BTBD9: variants seen among roughly 807,000 people sequenced by gnomAD.
BTBD9 encodes the protein BTB/POZ domain-containing protein 9.
Under a neutral mutation model 64.3 loss-of-function variants are expected in BTBD9, and 49 were observed. That is an observed-to-expected ratio of 0.76 (90% CI 0.61 to 0.97). The LOEUF is 0.97. BTBD9 is among the 50% of genes least tolerant of loss of function. The pLI is 0.00. For missense variants in BTBD9, 598 were observed against 762.1 expected, an observed-to-expected ratio of 0.78 and a Z score of 2.53; for synonymous variants, 260 against 274.7, an observed-to-expected ratio of 0.95 and a Z score of 0.53.
At chr6:38,540,579 T>C (rs1400460334) in intron 6 of BTBD9, among the ~76,000 whole-genome samples, 1 of 152,188 alleles carries the variant, frequency 6.6e-6, no homozygotes, top group Non-Finnish European at 1.5e-5. Flanking sequence ...GACACAAAAT[T>C]CTAAGAAAAA....
chr6:38,439,837 G>A (rs942275831), intron 6 of BTBD9, among the ~76,000 whole-genome samples: 2 of 152,140 alleles, frequency 1.3e-5, no homozygotes, highest in Non-Finnish European at 2.9e-5. Context: ...GGGACTACAG[G>A]CATATGCTAC....
chr6:38,293,519 C>T (rs887294795), intron 7 of BTBD9, among the ~76,000 whole-genome samples: 10 of 152,138 alleles, frequency 6.6e-5, no homozygotes, highest in African/African-American at 2.2e-4. Context: ...TGCCACATAT[C>T]TACAACCATC....
intron 6 of BTBD9, among the ~76,000 whole-genome samples, chr6:38,563,433 G>A (rs1460735938): frequency 6.6e-6 from 1 of 152,078 alleles, no homozygotes; most frequent in Non-Finnish European, 1.5e-5. Flanking sequence ...CTACAACAGA[G>A]GTCTCCCAAC....
chr6:38,297,182 G>A (rs1458211140), intron 7 of BTBD9, among the ~76,000 whole-genome samples: 2 of 152,042 alleles, frequency 1.3e-5, no homozygotes, highest in Admixed American at 6.6e-5. Context: ...CCTGGCTAAC[G>A]TGGTGAAACC....
chr6:38,346,978 C>T (rs776688665), intron 6 of BTBD9, among the ~76,000 whole-genome samples: 6 of 152,140 alleles, frequency 3.9e-5, no homozygotes, highest in Non-Finnish European at 8.8e-5. Context: ...ACAGAAGAGC[C>T]AGGAAGTGAC....
chr6:38,555,140 G>A (rs28505420), intron 6 of BTBD9, among the ~76,000 whole-genome samples: 1 of 152,186 alleles, frequency 6.6e-6, no homozygotes, highest in South Asian at 2.1e-4. Context: ...CTGCTGATTA[G>A]CTACTCTTCT....
chr6:38,588,431 T>C, intron 4 of BTBD9: 1 of 820,628 alleles, frequency 1.2e-6, no homozygotes, highest in South Asian at 1.5e-5. Context: ...TTTACTTCAC[T>C]TCCTGTAAGT....
intron 6 of BTBD9, among the ~76,000 whole-genome samples, chr6:38,549,544 G>A (rs1466607645): frequency 1.3e-5 from 2 of 151,716 alleles, no homozygotes; most frequent in Admixed American, 6.6e-5. Flanking sequence ...ACTGTCAAAC[G>A]AAAGGAGAAA....
intron 6 of BTBD9, among the ~76,000 whole-genome samples, chr6:38,511,909 C>T (rs1435489640): frequency 6.6e-6 from 1 of 152,102 alleles, no homozygotes; most frequent in Non-Finnish European, 1.5e-5. Flanking sequence ...TGGTCTAGGA[C>T]CCTCTTGAAA....
intron 2 of BTBD9, among the ~76,000 whole-genome samples, chr6:38,595,004 G>C (rs1776974125): frequency 6.6e-6 from 1 of 152,106 alleles, no homozygotes; most frequent in Non-Finnish European, 1.5e-5. Flanking sequence ...GCAGCAACAT[G>C]GTTAAAAAAA....
chr6:38,516,222 G>A (rs1773016059), intron 6 of BTBD9, among the ~76,000 whole-genome samples: 1 of 151,994 alleles, frequency 6.6e-6, no homozygotes, highest in South Asian at 2.1e-4. Context: ...AAATAGGAGG[G>A]AGAGTACTTT....
intron 4 of BTBD9, chr6:38,587,551 T>TC: frequency 1.7e-6 from 1 of 577,154 alleles, no homozygotes; most frequent in East Asian, 4.2e-5. Context: ...TTCTGATCTT[T>TC]CCTTTGCAAT....
At chr6:38,395,627 G>A (rs546138663) in intron 6 of BTBD9, among the ~76,000 whole-genome samples, 16 of 151,918 alleles carry the variant, frequency 1.1e-4, no homozygotes, top group African/African-American at 1.9e-4. Context: ...ATAAGACAGC[G>A]ACCTCAAGCC....
intron 9 of BTBD9, among the ~76,000 whole-genome samples, chr6:38,194,533 C>A (rs1054120479): frequency 6.6e-6 from 1 of 152,186 alleles, no homozygotes; most frequent in African/African-American, 2.4e-5. Context: ...CCTTTTAGCT[C>A]AATGCCTGTC....
chr6:38,363,296 T>C (rs1403159089), intron 6 of BTBD9, among the ~76,000 whole-genome samples: 1 of 152,164 alleles, frequency 6.6e-6, no homozygotes, highest in Non-Finnish European at 1.5e-5. Flanking sequence ...GGAGTAATGG[T>C]TCATGCCTGT....
rs142099910 is a variant in BTBD9 at position 38,462,599 on chromosome 6, C to T, written c.1154+115001G>A. 3.9e-5 allele frequency among the ~76,000 whole-genome samples: 6 copies of T among 151,910 alleles called. No homozygotes were observed. The East Asian group carries it at 9.7e-4, about 24-fold the overall frequency. On this transcript the variant is annotated intron_variant, in intron 6 of 10. Transcript: ENST00000481247. ...GTCACTAGTTTGTTTTTTTCAAATC[C>T]GTTTTGACTAATTTGGCTTCTTTGC...
chr6:38,462,042 G>T (rs1212161643), intron 6 of BTBD9, among the ~76,000 whole-genome samples: 1 of 152,070 alleles, frequency 6.6e-6, no homozygotes, highest in Non-Finnish European at 1.5e-5. Flanking sequence ...TTGTTGAATT[G>T]TAAGAATTCT....
chr6:38,516,295 A>G (rs1442919922), intron 6 of BTBD9, among the ~76,000 whole-genome samples: 3 of 152,204 alleles, frequency 2.0e-5, no homozygotes, highest in African/African-American at 7.2e-5. Context: ...TTAAAAAAAA[A>G]AAGAAGGGTT....
At chr6:38,623,809 C>T (rs1778079149) in intron 1 of BTBD9, among the ~76,000 whole-genome samples, 1 of 152,192 alleles carries the variant, frequency 6.6e-6, no homozygotes, top group South Asian at 2.1e-4. Context: ...TTGAGGCCAT[C>T]AAGCTACAGA....
Sources: allele counts gnomAD v4.1 joint callset (sites outside exome capture counted in the v4.1 genomes callset), GRCh38; gene constraint gnomAD v4.1.1; transcripts MANE v1.5; gene names NCBI Gene and HGNC (gene_info 2026-07-23, HGNC 2026-07-21).